LRCH3: variants seen among roughly 807,000 people sequenced by gnomAD.
The protein encoded by LRCH3 is DISP complex protein LRCH3.
Under a neutral mutation model 104.5 loss-of-function variants are expected in LRCH3, and 68 were observed. That is an observed-to-expected ratio of 0.65 (90% CI 0.54 to 0.80). LRCH3 has a LOEUF of 0.80. LRCH3 is among the 30% of genes least tolerant of loss of function. The pLI is 0.00. For missense variants in LRCH3, 951 were observed against 953.9 expected (o/e 1.00, Z 0.04); for synonymous variants, 344 against 361.3 (o/e 0.95, Z 0.54).
intron 1 of LRCH3, among the ~76,000 whole-genome samples, chr3:197,801,905 G>A (rs1399353561): frequency 6.6e-6 from 1 of 152,140 alleles, no homozygotes; most frequent in Non-Finnish European, 1.5e-5. Flanking sequence ...AAGTTCATTC[G>A]AGTTTTGGCA....
chr3:197,792,629 A>G, intron 1 of LRCH3, among the ~76,000 whole-genome samples: 1 of 105,988 alleles, frequency 9.4e-6, no homozygotes, highest in Non-Finnish European at 1.9e-5. Flanking sequence ...TATATAATAT[A>G]CATATAAATA....
intron 1 of LRCH3, 134 bp from the exon 2 acceptor site, chr3:197,814,774 G>A (rs907728927): frequency 1.6e-6 from 1 of 616,058 alleles, no homozygotes; most frequent in Non-Finnish European, 2.6e-6. Context: ...TAATTTGTAA[G>A]CAGATATGCC....
Position 197,844,710 on chromosome 3 carries a change from C to G in LRCH3, c.1329-2699C>G, listed in dbSNP as rs1034598007. Among the ~76,000 whole-genome samples, 3 of 152,116 alleles carry G rather than the reference C, an allele frequency of 2.0e-5. No homozygotes were observed. In the South Asian group the frequency reaches 6.2e-4, roughly 31 times the overall value. On this transcript the variant is annotated intron_variant, in intron 10 of 20. Transcript: ENST00000425562. ...TTGACTCACTGCAACCTCCACCTCCCAGGTTCAAGCGATTCCCCTGCCTCA... is the reference window on the plus strand; with the variant it reads ...TTGACTCACTGCAACCTCCACCTCCGAGGTTCAAGCGATTCCCCTGCCTCA...
intron 15 of LRCH3, 70 bp downstream of exon 15, chr3:197,858,975 G>C: frequency 8.8e-7 from 1 of 1,136,320 alleles, no homozygotes; most frequent in Non-Finnish European, 1.3e-6. Flanking sequence ...GAATTTTTTG[G>C]TGAATTGATC....
chr3:197,817,922 G>A (rs1734037847), intron 3 of LRCH3, among the ~76,000 whole-genome samples: 1 of 152,112 alleles, frequency 6.6e-6, no homozygotes, highest in African/African-American at 2.4e-5. Flanking sequence ...CCAGGTTCAC[G>A]CCATTCTCCT....
At chr3:197,858,343 A>T (rs927292811) in intron 14 of LRCH3, among the ~76,000 whole-genome samples, 6 of 152,286 alleles carry the variant, frequency 3.9e-5, no homozygotes, top group Admixed American at 6.5e-5. Context: ...AGTCATTAGG[A>T]GTTTCACAGA....
At chr3:197,882,713 G>C in intron 20 of LRCH3, 1 of 985,228 alleles carries the variant, frequency 1.0e-6, no homozygotes, top group Admixed American at 6.2e-5. Context: ...CACAAGAAAG[G>C]GTTAACCTAA....
At chr3:197,867,515 C>T (rs538034598) in intron 17 of LRCH3, among the ~76,000 whole-genome samples, 8 of 151,268 alleles carry the variant, frequency 5.3e-5, no homozygotes, top group Admixed American at 2.0e-4. Context: ...CTCAGGAGTT[C>T]GAGACCATCC....
intron 17 of LRCH3, among the ~76,000 whole-genome samples, chr3:197,869,293 C>G (rs912856366): frequency 1.3e-5 from 2 of 150,964 alleles, no homozygotes; most frequent in Admixed American, 6.6e-5. Context: ...TGCACTGTAC[C>G]TGCAGGAGGT....
chr3:197,818,784 A>G (rs541120556), intron 3 of LRCH3, among the ~76,000 whole-genome samples: 1 of 152,314 alleles, frequency 6.6e-6, no homozygotes, highest in South Asian at 2.1e-4. Flanking sequence ...TCTACAAAAG[A>G]GGTTAATTGA....
intron 13 of LRCH3, 149 bp downstream of exon 13, chr3:197,852,769 T>C (rs762825390): frequency 3.0e-4 from 239 of 791,354 alleles, no homozygotes; most frequent in Non-Finnish European, 4.4e-4. Context: ...AGGGAGATGA[T>C]ACAAGCCAAG....
chr3:197,880,072 A>G (rs1301474333), intron 20 of LRCH3, among the ~76,000 whole-genome samples: 2 of 150,536 alleles, frequency 1.3e-5, no homozygotes, highest in Non-Finnish European at 3.0e-5. Context: ...CAGCCTCCCG[A>G]GTAGCTGGGA....
chr3:197,862,033 C>T (rs1460035037), intron 15 of LRCH3, among the ~76,000 whole-genome samples: 3 of 152,140 alleles, frequency 2.0e-5, no homozygotes, highest in South Asian at 2.1e-4. Flanking sequence ...CTTGCTCTGT[C>T]GCTCAGGCTG....
At chr3:197,829,019 C>T (rs1217591209) in intron 5 of LRCH3, among the ~76,000 whole-genome samples, 1 of 152,134 alleles carries the variant, frequency 6.6e-6, no homozygotes, top group Non-Finnish European at 1.5e-5. Context: ...GCATATGCTA[C>T]TCTTTATGGC....
Position 197,865,409 on chromosome 3 carries a change from C to CT in LRCH3, c.1717-13dup. 1 of 1,529,442 alleles carries CT rather than the reference C, an allele frequency of 6.5e-7. No homozygotes were observed. Among genetic ancestry groups the CT allele is most frequent in the Middle Eastern group, 2.1e-4 (1 of 4,856 alleles). 94.7% of individuals were successfully genotyped at this position (1,529,442 alleles called of 1,614,324 possible). On this transcript the variant is annotated splice_polypyrimidine_tract_variant and intron_variant, in intron 15 of 20. Transcript: ENST00000425562. ...TTGAATAACAATTATTGATATATGT[C>CT]TGTTTCTCCACAGAGTGATGACAGA...
intron 1 of LRCH3, among the ~76,000 whole-genome samples, chr3:197,812,640 T>A (rs1316611879): frequency 6.6e-6 from 1 of 151,684 alleles, no homozygotes; most frequent in East Asian, 1.9e-4. Context: ...TTGAGAAACA[T>A]TCAAACAGCC....
rs567576437 is a variant in LRCH3, at chr3:197,885,440, G to T, written c.*1774G>T. ...AGCCTGACCAACATGGAGAAACCCCGTCTCTACTAAAAATACAAAATTAGC... is the reference window on the plus strand; with the variant it reads ...AGCCTGACCAACATGGAGAAACCCCTTCTCTACTAAAAATACAAAATTAGC... On this transcript the variant is annotated 3_prime_UTR_variant, in exon 21 of 21. Coordinates refer to ENST00000425562, the MANE Select transcript of LRCH3 (RefSeq NM_001365715.1). The T allele has an allele frequency of 6.6e-6, 1 of 152,032 alleles. No individual in the cohort carries two copies. The highest frequency in any genetic ancestry group is 2.4e-5 in the African/African-American group (1 of 41,382). 9.4% of individuals were successfully genotyped at this position (152,032 alleles called of 1,614,324 possible).
chr3:197,877,553 G>A (rs1235410978), intron 20 of LRCH3, among the ~76,000 whole-genome samples: 2 of 122,118 alleles, frequency 1.6e-5, no homozygotes, highest in Non-Finnish European at 3.9e-5. Flanking sequence ...CCAACTCACC[G>A]CACCCATGAC....
intron 10 of LRCH3, among the ~76,000 whole-genome samples, chr3:197,845,069 A>T (rs1432329555): frequency 6.6e-6 from 1 of 152,172 alleles, no homozygotes; most frequent in Admixed American, 6.5e-5. Context: ...AAAATACAGT[A>T]ATGAGATAAA....
Sources: gnomAD v4.1 joint callset for allele counts (sites outside exome capture counted in the v4.1 genomes callset) on GRCh38, gnomAD v4.1.1 for gene constraint, MANE v1.5 for transcripts, NCBI Gene and HGNC (gene_info 2026-07-23, HGNC 2026-07-21) for gene names.